PIN4: variants seen among roughly 807,000 people sequenced by gnomAD.
PIN4 encodes the protein peptidyl-prolyl cis-trans isomerase NIMA-interacting 4.
PIN4 carries 3 observed loss-of-function variants against 8.3 expected under a neutral mutation model. That is an observed-to-expected ratio of 0.36 (90% confidence interval 0.16 to 0.93). The LOEUF (loss-of-function observed/expected upper bound fraction) is 0.93, where lower values mean the gene tolerates loss of function less well. PIN4 is among the 40% of genes least tolerant of loss of function. The pLI, the probability that PIN4 is intolerant of heterozygous loss-of-function variation, is 0.44. For missense variants in PIN4, 75 were observed against 100.6 expected (o/e 0.75, Z 1.09); for synonymous variants, 18 against 32.5 (o/e 0.55, Z 1.52).
At chrX:72,232,066 G>A (rs1313515530) in intron 3 of PIN4, among the ~76,000 whole-genome samples, 8 of 109,326 alleles carry the variant, frequency 7.3e-5, no homozygotes, top group South Asian at 4.0e-4. Context: ...ATGACAGAGC[G>A]AGACCCTGTC....
At chrX:72,245,639 G>A (rs1252900926) in intron 3 of PIN4, among the ~76,000 whole-genome samples, 1 of 111,800 alleles carries the variant, frequency 8.9e-6, no homozygotes. Flanking sequence ...ATGGGATGGA[G>A]GCTGCCCCAG....
chrX:72,217,319 TA>T (rs1366290672), intron 3 of PIN4, among the ~76,000 whole-genome samples: 1 of 112,090 alleles, frequency 8.9e-6, no homozygotes, highest in Admixed American at 9.5e-5. Flanking sequence ...TGACAGGGTA[TA>T]AAGGACCTAA....
At chrX:72,186,094 ATGT>A (rs1164691669) in intron 1 of PIN4, 2 of 263,808 alleles carry the variant, frequency 7.6e-6, no homozygotes, top group African/African-American at 2.8e-5. Flanking sequence ...ATTTAGCTTG[ATGT>A]TGTAAAGCAA....
rs1274971838 is a variant in PIN4 at position 72,181,819 on chromosome X, G to A, written c.34G>A (p.Ala12Thr). The A allele has an allele frequency of 6.1e-6, 7 of 1,147,302 alleles. No homozygotes were observed. The highest frequency in any genetic ancestry group is 7.1e-6 in the Non-Finnish European group (6 of 840,966). 94.6% of individuals were successfully genotyped at this position (1,147,302 alleles called of 1,213,427 possible). Residue 12 changes from alanine (A) to threonine (T), a missense_variant, in exon 1 of 4, where the codon GCG becomes ACG. Physicochemically the swap from Ala to Thr is moderately conservative, Grantham distance 58 (BLOSUM62 0). Transcript: ENST00000373669. ...CAAAGGAAAAAGTGGTTCTGGAAAA[G>A]CGGGGAAAGGTAGAGCGGCCAGAGC... is the stretch of plus-strand genomic sequence containing the variant. ...PPKGKSGSGK[A>T]GKGGAASGSD... is the part of the protein sequence containing the mutation.
intron 3 of PIN4, among the ~76,000 whole-genome samples, chrX:72,250,372 G>C (rs1382586348): frequency 9.0e-6 from 1 of 110,658 alleles, no homozygotes; most frequent in Non-Finnish European, 1.9e-5. Context: ...TAAGGTGAGA[G>C]AATCACTTGA....
chrX:72,256,003 G>C (rs2043109040), intron 3 of PIN4: 1 of 112,288 alleles, frequency 8.9e-6, no homozygotes, highest in African/African-American at 3.2e-5. Flanking sequence ...CGGGCACCGG[G>C]AATGCAAAGG....
At chrX:72,197,090 C>A in intron 3 of PIN4, 186 bp downstream of exon 3, 1 of 475,764 alleles carries the variant, frequency 2.1e-6, no homozygotes, top group Non-Finnish European at 3.4e-6. Flanking sequence ...GCAGAAATGT[C>A]CAACTTGTAA....
intron 3 of PIN4, among the ~76,000 whole-genome samples, chrX:72,245,272 G>A (rs1056009762): frequency 9.2e-6 from 1 of 108,737 alleles, no homozygotes; most frequent in Non-Finnish European, 1.9e-5. Context: ...AGGCTCCAGC[G>A]ATTCTCCAAC....
At chrX:72,205,747 T>C (rs1318784089) in intron 3 of PIN4, 1 of 1,211,723 alleles carries the variant, frequency 8.3e-7, no homozygotes, top group South Asian at 1.8e-5. Context: ...TGGTTCATCG[T>C]CTTTCTCAGA....
chrX:72,211,021 T>C (rs1016629717), intron 3 of PIN4, among the ~76,000 whole-genome samples: 2 of 112,289 alleles, frequency 1.8e-5, no homozygotes, highest in African/African-American at 6.5e-5. Flanking sequence ...AGCACTGCCC[T>C]GGATATCTGA....
At chrX:72,238,724 A>C in intron 3 of PIN4, 220 of 561,765 alleles carry the variant, frequency 3.9e-4, no homozygotes, top group Non-Finnish European at 5.7e-4. Flanking sequence ...GAAGAGCGCG[A>C]GCGCGCGTCT....
At chrX:72,190,532 T>C (rs756940541) in intron 2 of PIN4, among the ~76,000 whole-genome samples, 46 of 112,199 alleles carry the variant, frequency 4.1e-4, no homozygotes, top group Non-Finnish European at 8.3e-4. Context: ...AACTTAAATA[T>C]TAATACTTGA....
At chrX:72,219,802 T>C in intron 3 of PIN4, among the ~76,000 whole-genome samples, 1 of 107,695 alleles carries the variant, frequency 9.3e-6, no homozygotes, top group Admixed American at 9.9e-5. Flanking sequence ...CGAGTCAAGG[T>C]TGCGCCACTG....
At chrX:72,215,725 CA>C (rs2042883975) in intron 3 of PIN4, among the ~76,000 whole-genome samples, 2 of 111,211 alleles carry the variant, frequency 1.8e-5, no homozygotes, top group Non-Finnish European at 3.8e-5. Flanking sequence ...CCAAGGACAC[CA>C]ACCTCCATAT....
intron 3 of PIN4, among the ~76,000 whole-genome samples, chrX:72,231,581 T>A (rs1368783590): frequency 9.1e-6 from 1 of 110,135 alleles, no homozygotes; most frequent in Non-Finnish European, 1.9e-5. Context: ...AGACAGGGTC[T>A]CCCTCTGTCA....
At chrX:72,255,550 A>G (rs2043107138) in intron 3 of PIN4, 1 of 108,860 alleles carries the variant, frequency 9.2e-6, no homozygotes, top group African/African-American at 3.4e-5. Flanking sequence ...CCGCTCCCCC[A>G]CCTGATCTCC....
At chrX:72,183,354 C>T (rs1408723110) in intron 1 of PIN4, among the ~76,000 whole-genome samples, 3 of 111,444 alleles carry the variant, frequency 2.7e-5, no homozygotes, top group Non-Finnish European at 5.7e-5. Context: ...GAGTCGCTAA[C>T]TTATAGATGG....
At chrX:72,238,891 A>T (rs1467210521) in intron 3 of PIN4, 5 of 1,196,412 alleles carry the variant, frequency 4.2e-6, no homozygotes, top group Non-Finnish European at 5.6e-6. Flanking sequence ...CGGCTTCCGG[A>T]AACCTTCGGG....
chrX:72,260,924 G>T (rs957116968), intron 3 of PIN4, among the ~76,000 whole-genome samples: 29 of 111,965 alleles, frequency 2.6e-4, no homozygotes, highest in Non-Finnish European at 5.1e-4. Context: ...AAAGGCAAAA[G>T]CCTTCCGCGG....
Sources: gnomAD v4.1 joint callset for allele counts (sites outside exome capture counted in the v4.1 genomes callset) on GRCh38, gnomAD v4.1.1 for gene constraint, MANE v1.5 for transcripts, NCBI Gene and HGNC (gene_info 2026-07-23, HGNC 2026-07-21) for gene names.